The following PRPF6 variants were observed in gnomAD, a reference collection of about 807,000 sequenced individuals.
PRPF6 encodes pre-mRNA-processing factor 6.
PRPF6 carries 42 observed loss-of-function variants against 118.3 expected under a neutral mutation model. That is an observed-to-expected ratio of 0.35 (90% confidence interval 0.28 to 0.46). The LOEUF (loss-of-function observed/expected upper bound fraction) is 0.46, where lower values mean the gene tolerates loss of function less well. Ranked by LOEUF, PRPF6 falls within the 20% of genes least tolerant of loss-of-function variation. PRPF6 has a pLI of 1.00. For synonymous variants in PRPF6, 481 were observed against 485.1 expected (o/e 0.99, Z 0.11); for missense variants, 662 against 1,255.7 (o/e 0.53, Z 7.15).
At chr20:64,018,854 T>G (rs2059250885) in intron 12 of PRPF6, among the ~76,000 whole-genome samples, 1 of 152,184 alleles carries the variant, frequency 6.6e-6, no homozygotes, top group Non-Finnish European at 1.5e-5. Context: ...CCTTCATCCG[T>G]GTGCGTTCAC....
intron 12 of PRPF6, among the ~76,000 whole-genome samples, chr20:64,021,503 C>CTGTGTGCGTG (rs2059263164): frequency 8.3e-6 from 1 of 121,094 alleles, no homozygotes; most frequent in African/African-American, 3.3e-5. Context: ...AGCCCTGTGT[C>CTGTGTGCGTG]TGTGTGTGTG....
chr20:64,027,974 G>C lies in PRPF6; in HGVS notation c.2339+238G>C, dbSNP rs944073819. Among the ~76,000 whole-genome samples the C allele has an allele frequency of 8.5e-5, 13 of 152,290 alleles. No homozygotes were observed. The highest frequency in any genetic ancestry group is 3.4e-3 in the Middle Eastern group (1 of 294). ...TTTAATTTGTGTTCTGATGGAGGGCGCCTGGGAGAGGGAGGGGTTAATGAT... is the reference window on the plus strand; with the variant it reads ...TTTAATTTGTGTTCTGATGGAGGGCCCCTGGGAGAGGGAGGGGTTAATGAT... On this transcript the variant is annotated intron_variant, in intron 17 of 20. Transcript: ENST00000266079. This position sits in a 1 kb window ranked among gnomAD's most constrained non-coding sequence, Gnocchi z 6.5.
intron 4 of PRPF6, among the ~76,000 whole-genome samples, chr20:63,994,629 G>C (rs1428188836): frequency 1.3e-5 from 2 of 152,132 alleles, no homozygotes; most frequent in African/African-American, 4.8e-5. Flanking sequence ...AACTTAGCCA[G>C]GCATGGTGGC....
intron 3 of PRPF6, among the ~76,000 whole-genome samples, 178 bp from the exon 4 acceptor site, chr20:63,993,225 AATGT>A (rs1359073385): frequency 9.7e-6 from 1 of 102,902 alleles, no homozygotes; most frequent in African/African-American, 3.6e-5. Context: ...CAAAAAAAAA[AATGT>A]GTGTGTGTGT....
chr20:64,024,747 G>T, intron 14 of PRPF6, 54 bp downstream of exon 14: 1 of 1,591,106 alleles, frequency 6.3e-7, no homozygotes, highest in East Asian at 2.3e-5. Context: ...GAGCTGACCT[G>T]GGTGCTGACT....
At position 64,027,214 on chromosome 20, in the gene PRPF6, G is replaced by T; in HGVS notation, c.2205+56G>T. On this transcript the variant is annotated intron_variant, in intron 16 of 20. Transcript: ENST00000266079. The surrounding 1 kb of genome is among the most constrained non-coding windows in gnomAD (Gnocchi z 6.5). ...GCTGACCCGGCATTCACAAAACTGA[G>T]CCCCCTGGTGCAGGGTCATTGCCCT... The T allele has an allele frequency of 2.5e-6, 4 of 1,598,674 alleles. No individual in the cohort carries two copies. The highest frequency in any genetic ancestry group is 3.4e-6 in the Non-Finnish European group (4 of 1,171,288).
intron 20 of PRPF6, 30 bp from the exon 21 acceptor site, chr20:64,032,811 C>T: frequency 1.3e-6 from 2 of 1,587,696 alleles, no homozygotes; most frequent in Non-Finnish European, 1.7e-6. Context: ...TGGGAGGACC[C>T]CTGCCTGACG....
At chr20:64,010,446 A>G (rs1041518084) in intron 10 of PRPF6, 128 bp downstream of exon 10, 3 of 825,186 alleles carry the variant, frequency 3.6e-6, no homozygotes, top group African/African-American at 1.7e-5. Flanking sequence ...TGGGAGCAGA[A>G]GGCCCTGTGG....
At position 64,026,057 on chromosome 20, in the gene PRPF6, G is replaced by A. The variant is rs764645656; in HGVS notation, c.2027G>A (p.Arg676Gln). The A allele has an allele frequency of 1.2e-5, 20 of 1,603,992 alleles. No homozygotes were observed. Among genetic ancestry groups the A allele is most frequent in the Non-Finnish European group, 1.4e-5 (17 of 1,179,674 alleles). The change falls in exon 15 of 21, where the codon CGG (arginine) becomes CAG (glutamine). Residue 676 changes from arginine to glutamine, a missense_variant and splice_region_variant. Physicochemically the swap from Arg to Gln is conservative, Grantham distance 43. Coordinates refer to ENST00000266079, the MANE Select transcript of PRPF6 (RefSeq NM_012469.4). This position sits in a 1 kb window ranked among gnomAD's most constrained non-coding sequence, Gnocchi z 4.4. Reference sequence around the variant, plus strand: ...GCGCGGAGCAGTGCCCCCACCGCCCGGGTACGCAGTGGCAGGCAGGGCTGG... The same window carrying A: ...GCGCGGAGCAGTGCCCCCACCGCCCAGGTACGCAGTGGCAGGCAGGGCTGG... ...AKARSSAPTA[R>Q]VFMKSVKLEW... is the part of the protein sequence containing the mutation.
intron 9 of PRPF6, among the ~76,000 whole-genome samples, chr20:64,002,611 C>T (rs1436700763): frequency 1.3e-5 from 2 of 151,582 alleles, no homozygotes; most frequent in African/African-American, 2.4e-5. Flanking sequence ...GCAGGGATTA[C>T]AGGCGTGAGC....
intron 9 of PRPF6, among the ~76,000 whole-genome samples, chr20:64,003,534 C>T (rs375759093): frequency 4.4e-4 from 67 of 152,312 alleles, no homozygotes; most frequent in African/African-American, 1.6e-3. Context: ...ACGTGCTTTC[C>T]TCTGTCGAGG....
intron 6 of PRPF6, among the ~76,000 whole-genome samples, chr20:63,997,457 A>ATT (rs150179547): frequency 4.2e-4 from 56 of 132,540 alleles, no homozygotes; most frequent in South Asian, 1.5e-3. Flanking sequence ...AGCCCAGCTA[A>ATT]TTTTTTTTTT....
At chr20:63,982,911 G>A in intron 1 of PRPF6, 136 bp from the exon 2 acceptor site, 1 of 1,074,406 alleles carries the variant, frequency 9.3e-7, no homozygotes, top group East Asian at 2.6e-5. Context: ...TGAGACTGCA[G>A]TTCATTGTCA....
chr20:64,025,807 G>C, intron 14 of PRPF6, 132 bp from the exon 15 acceptor site: 1 of 1,534,026 alleles, frequency 6.5e-7, no homozygotes, highest in Non-Finnish European at 8.9e-7. Flanking sequence ...CCTGGGAAGG[G>C]CTTGGACCAG....
intron 9 of PRPF6, among the ~76,000 whole-genome samples, chr20:64,002,494 C>T (rs1376151917): frequency 2.6e-5 from 4 of 151,398 alleles, no homozygotes; most frequent in Non-Finnish European, 5.9e-5. Flanking sequence ...CGCCTCCATG[C>T]CTGGCCAATT....
chr20:64,024,015 C>T (rs905448598), intron 13 of PRPF6, among the ~76,000 whole-genome samples: 1 of 152,146 alleles, frequency 6.6e-6, no homozygotes, highest in South Asian at 2.1e-4. Flanking sequence ...TCACTGAGGC[C>T]CAAAGGGGTC....
At position 64,027,854 on chromosome 20, in the gene PRPF6, G is replaced by A. The variant is rs60782571; in HGVS notation, c.2339+118G>A. ...CAGTGCTTCCAGGCTCAGGGGCTTG[G>A]GGGGCGGTAGGTGCTGGCCATGAAA... On this transcript the variant is annotated intron_variant, in intron 17 of 20. Transcript: ENST00000266079. This position sits in a 1 kb window ranked among gnomAD's most constrained non-coding sequence, Gnocchi z 6.5. 7.7e-6 allele frequency: 11 copies of A among 1,436,354 alleles called. No homozygotes were observed. The Admixed American group carries it at 1.7e-4, about 22-fold the overall frequency. 89.0% of individuals were successfully genotyped at this position (1,436,354 alleles called of 1,614,324 possible).
chr20:63,985,050 A>G, intron 3 of PRPF6, 25 bp downstream of exon 3: 5 of 1,595,130 alleles, frequency 3.1e-6, no homozygotes, highest in Non-Finnish European at 4.3e-6. Flanking sequence ...TGCCTTTCAC[A>G]ATATTTATCC....
chr20:63,992,545 C>G (rs2122997673), intron 3 of PRPF6, among the ~76,000 whole-genome samples: 1 of 152,306 alleles, frequency 6.6e-6, no homozygotes, highest in South Asian at 2.1e-4. Context: ...GTGTAAGCCA[C>G]CACGCCTGGC....
Sources: allele counts gnomAD v4.1 joint callset (sites outside exome capture counted in the v4.1 genomes callset), GRCh38; gene constraint gnomAD v4.1.1; non-coding constraint Gnocchi (gnomAD v3.1); transcripts MANE v1.5; gene names NCBI Gene and HGNC (gene_info 2026-07-23, HGNC 2026-07-21).